Variants in GRPR observed in about 807,000 individuals in gnomAD.
GRPR encodes gastrin releasing peptide receptor.
A neutral mutation model predicts 15.6 loss-of-function variants in GRPR; 4 were observed. That is an observed-to-expected ratio of 0.26 (90% CI 0.13 to 0.59). The LOEUF (loss-of-function observed/expected upper bound fraction) is 0.59. Ranked by LOEUF, GRPR falls within the 20% of genes least tolerant of loss-of-function variation. The pLI is 0.90. For missense variants in GRPR, 270 were observed against 304.1 expected (o/e 0.89, Z 0.83); for synonymous variants, 128 against 126.8 (o/e 1.01, Z -0.06).
At chrX:16,136,337 T>C (rs1377190903) in intron 1 of GRPR, among the ~76,000 whole-genome samples, 1 of 112,111 alleles carries the variant, frequency 8.9e-6, no homozygotes, top group East Asian at 2.8e-4. Context: ...AAGGCATATG[T>C]CAGTATTCTT....
chrX:16,151,085 G>A (rs776489393), intron 2 of GRPR, among the ~76,000 whole-genome samples: 1 of 111,693 alleles, frequency 9.0e-6, no homozygotes, highest in South Asian at 3.8e-4. Context: ...AGTTTGATTA[G>A]GATAGGCTCA....
intron 1 of GRPR, among the ~76,000 whole-genome samples, chrX:16,124,638 A>G (rs1042087179): frequency 4.5e-5 from 5 of 111,908 alleles, no homozygotes; most frequent in African/African-American, 1.6e-4. Flanking sequence ...AGACATATCT[A>G]TTTAGCATTG....
intron 1 of GRPR, among the ~76,000 whole-genome samples, chrX:16,144,828 T>C (rs1008831318): frequency 4.5e-5 from 5 of 112,114 alleles, no homozygotes; most frequent in African/African-American, 1.6e-4. Context: ...GAAACTTCTC[T>C]CTCTCATTTG....
At position 16,124,088 on chromosome X, in the gene GRPR, A is replaced by T. The variant is rs184638237; in HGVS notation, c.135A>T (p.Ala45=). ...SHPGILYVIP[A]VYGVIILIGL... Reference sequence around the variant, plus strand: ...CGGGGATCCTCTATGTCATCCCTGCAGTTTATGGGGTTATCATTCTGATAG... The same window carrying T: ...CGGGGATCCTCTATGTCATCCCTGCTGTTTATGGGGTTATCATTCTGATAG... The change falls in exon 1 of 3, where the codon GCA becomes GCT. Residue 45 remains alanine (A), a synonymous_variant. Coordinates refer to ENST00000380289, the MANE Select transcript of GRPR (RefSeq NM_005314.3). 8.3e-7 allele frequency: 1 copy of T among 1,207,860 alleles called. No individual in the cohort carries two copies. Among genetic ancestry groups the T allele is most frequent in the African/African-American group, 1.7e-5 (1 of 57,154 alleles).
At chrX:16,149,368 T>C (rs183614397) in intron 1 of GRPR, among the ~76,000 whole-genome samples, 1 of 111,285 alleles carries the variant, frequency 9.0e-6, no homozygotes, top group Admixed American at 9.6e-5. Context: ...ATTTCTTACT[T>C]CATCTCAGTG....
intron 1 of GRPR, among the ~76,000 whole-genome samples, chrX:16,132,153 C>G (rs765906151): frequency 6.2e-5 from 7 of 112,108 alleles, no homozygotes; most frequent in Non-Finnish European, 1.3e-4. Context: ...TTAATGAATT[C>G]TAGTAGGTCC....
At chrX:16,125,400 C>A (rs963708069) in intron 1 of GRPR, among the ~76,000 whole-genome samples, 3 of 112,176 alleles carry the variant, frequency 2.7e-5, no homozygotes, top group Non-Finnish European at 5.6e-5. Context: ...CTGCAATGAA[C>A]CTAGACTATA....
chrX:16,127,153 G>T (rs1922305522), intron 1 of GRPR, among the ~76,000 whole-genome samples: 1 of 111,181 alleles, frequency 9.0e-6, no homozygotes. Context: ...ACTGAATTCA[G>T]GGTTCTGAGG....
chrX:16,151,348 G>A (rs143696436), intron 2 of GRPR, among the ~76,000 whole-genome samples: 309 of 111,976 alleles, frequency 2.8e-3, no homozygotes, highest in African/African-American at 9.2e-3. Flanking sequence ...GAAAGCAAGG[G>A]CTCCGGCTTC....
chrX:16,127,129 C>T (rs749018010), intron 1 of GRPR, among the ~76,000 whole-genome samples: 2 of 110,832 alleles, frequency 1.8e-5, no homozygotes, highest in African/African-American at 6.6e-5. Context: ...ATTCCTAGGC[C>T]CTGTCCTAAA....
intron 1 of GRPR, among the ~76,000 whole-genome samples, chrX:16,134,739 G>A (rs1248507161): frequency 1.8e-5 from 2 of 110,631 alleles, no homozygotes; most frequent in Non-Finnish European, 3.8e-5. Context: ...CTGGAAGCTC[G>A]GATCAGCTCT....
At chrX:16,125,895 G>A (rs1437198631) in intron 1 of GRPR, among the ~76,000 whole-genome samples, 2 of 111,629 alleles carry the variant, frequency 1.8e-5, no homozygotes, top group East Asian at 5.6e-4. Flanking sequence ...GCTGTGGCTT[G>A]TTACCAATGG....
In GRPR at chrX:16,144,468, G is replaced by A. The variant is rs1336576607; in HGVS notation, c.414-5837G>A. On this transcript the variant is annotated intron_variant, in intron 1 of 2. Transcript: ENST00000380289. Reference sequence around the variant, plus strand: ...AGTGGAGTTTTAAAAATATTGTAGTGCAACAATTCCTACAGACTTCCGTAG... The same window carrying A: ...AGTGGAGTTTTAAAAATATTGTAGTACAACAATTCCTACAGACTTCCGTAG... 3.6e-5 allele frequency among the ~76,000 whole-genome samples: 4 copies of A among 111,778 alleles called. No individual in the cohort carries two copies. In the Admixed American group the frequency reaches 3.8e-4, roughly 11 times the overall value.
chrX:16,129,281 C>T (rs908057858), intron 1 of GRPR, among the ~76,000 whole-genome samples: 1 of 112,509 alleles, frequency 8.9e-6, no homozygotes, highest in Non-Finnish European at 1.9e-5. Context: ...GCTTTCCCGA[C>T]ATCTAGAGTT....
intron 1 of GRPR, among the ~76,000 whole-genome samples, chrX:16,141,249 T>G (rs1922527225): frequency 8.9e-6 from 1 of 112,162 alleles, no homozygotes; most frequent in Admixed American, 9.4e-5. Flanking sequence ...AGCTTTGAAA[T>G]TGGATCACTC....
At chrX:16,144,063 G>A (rs1922569409) in intron 1 of GRPR, among the ~76,000 whole-genome samples, 1 of 111,694 alleles carries the variant, frequency 9.0e-6, no homozygotes, top group African/African-American at 3.2e-5. Context: ...GAGGTGAAAA[G>A]GAGCATTGGA....
intron 1 of GRPR, among the ~76,000 whole-genome samples, chrX:16,145,661 G>A (rs142794527): frequency 4.0e-4 from 45 of 112,204 alleles, no homozygotes; most frequent in African/African-American, 1.4e-3. Context: ...TAATTGGATT[G>A]CTTTTTACAC....
chrX:16,150,500 T>C lies in GRPR; in HGVS notation c.609T>C (p.Asn203=). The change falls in exon 2 of 3, where the codon AAT becomes AAC. Residue 203 remains asparagine, a synonymous_variant. Transcript: ENST00000380289. The stretch of plus-strand genomic sequence containing the variant: ...GCTGTGCCCCATACCCACACTCTAA[T>C]GAGCTTCACCCCAAAATCCATTCTA... ...FISCAPYPHS[N]ELHPKIHSMA... The C allele has an allele frequency of 2.5e-6, 3 of 1,205,490 alleles. No homozygotes were observed. The highest frequency in any genetic ancestry group is 3.4e-6 in the Non-Finnish European group (3 of 889,711).
chrX:16,137,545 T>C (rs746651991), intron 1 of GRPR, among the ~76,000 whole-genome samples: 5 of 112,447 alleles, frequency 4.4e-5, no homozygotes, highest in African/African-American at 6.5e-5. Flanking sequence ...CTTTTCATTA[T>C]AGGCTCATGT....
Sources: allele counts gnomAD v4.1 joint callset (sites outside exome capture counted in the v4.1 genomes callset), GRCh38; gene constraint gnomAD v4.1.1; transcripts MANE v1.5; gene names NCBI Gene and HGNC (gene_info 2026-07-23, HGNC 2026-07-21).